The following PRKD1 variants were observed in gnomAD, a reference collection of about 807,000 sequenced individuals.
PRKD1 encodes protein kinase D1.
PRKD1 carries 63 observed loss-of-function variants against 95.9 expected under a neutral mutation model. That is an observed-to-expected ratio of 0.66 (90% confidence interval 0.54 to 0.81). The LOEUF (loss-of-function observed/expected upper bound fraction) is 0.81. PRKD1 is among the 30% of genes least tolerant of loss of function. The pLI is 0.00. For missense variants in PRKD1, 1,048 were observed against 1,165.3 expected (o/e 0.90, Z 1.47); for synonymous variants, 425 against 423.1 (o/e 1.00, Z -0.05).
intron 2 of PRKD1, among the ~76,000 whole-genome samples, chr14:29,676,048 C>T (rs1883171517): frequency 6.6e-6 from 1 of 151,684 alleles, no homozygotes; most frequent in Non-Finnish European, 1.5e-5. Flanking sequence ...TTAATGGGTG[C>T]AGCACACCAA....
intron 1 of PRKD1, among the ~76,000 whole-genome samples, chr14:29,730,502 C>A (rs915911486): frequency 2.0e-5 from 3 of 152,122 alleles, no homozygotes; most frequent in African/African-American, 7.2e-5. Flanking sequence ...ATCCAGCAAT[C>A]TGACTTCTGG....
At chr14:29,693,466 C>G (rs1210527916) in intron 2 of PRKD1, among the ~76,000 whole-genome samples, 2 of 151,844 alleles carry the variant, frequency 1.3e-5, no homozygotes, top group African/African-American at 4.8e-5. Flanking sequence ...AAAAAAATAG[C>G]AGTGTAAACT....
chr14:29,824,059 G>A (rs1330236214), intron 1 of PRKD1, among the ~76,000 whole-genome samples: 13 of 152,140 alleles, frequency 8.5e-5, no homozygotes, highest in East Asian at 1.9e-4. Flanking sequence ...TGCAGTGCTT[G>A]AGGCCCTTGC....
intron 1 of PRKD1, among the ~76,000 whole-genome samples, chr14:29,916,244 T>C (rs1005945141): frequency 1.3e-5 from 2 of 152,212 alleles, no homozygotes; most frequent in African/African-American, 4.8e-5. Flanking sequence ...CCTGTGATGC[T>C]CATGGAATTT....
chr14:29,734,218 T>G (rs1179261057), intron 1 of PRKD1, among the ~76,000 whole-genome samples: 1 of 151,836 alleles, frequency 6.6e-6, no homozygotes, highest in Non-Finnish European at 1.5e-5. Context: ...ATTTTTGTAT[T>G]TTTAGTAGAG....
Position 29,638,773 on chromosome 14 carries a change from G to T in PRKD1, c.828C>A (p.His276Gln), listed in dbSNP as rs746680862. The T allele has an allele frequency of 1.2e-6, 2 of 1,614,086 alleles. No individual in the cohort carries two copies. Among genetic ancestry groups the T allele is most frequent in the African/African-American group, 2.7e-5 (2 of 75,046 alleles). ...GGCACACTGTGGGCCGGGTGTAGGA[G>T]TGGATGACAAATGTGTGCGGCACTT... ...KVKVPHTFVI[H>Q]SYTRPTVCQY... The change falls in exon 5 of 18, where the codon CAC becomes CAA. Residue 276 changes from histidine (H) to glutamine (Q), a missense_variant. Around this residue, in one of 3 missense-constraint regions of PRKD1, gnomAD observed 739 missense variants for 861.9 expected, o/e 0.86. Coordinates refer to ENST00000331968, the MANE Select transcript of PRKD1 (RefSeq NM_002742.3).
intron 1 of PRKD1, among the ~76,000 whole-genome samples, chr14:29,848,789 C>T (rs558610003): frequency 1.3e-5 from 2 of 148,604 alleles, no homozygotes; most frequent in African/African-American, 4.8e-5. Context: ...AACTTCAAAA[C>T]GACTGTCTTA....
At chr14:29,884,148 G>A (rs2139400499) in intron 1 of PRKD1, among the ~76,000 whole-genome samples, 1 of 152,288 alleles carries the variant, frequency 6.6e-6, no homozygotes, top group Non-Finnish European at 1.5e-5. Flanking sequence ...CAAGGCTACA[G>A]ATGAAAATAT....
chr14:29,855,023 G>A (rs1345543447), intron 1 of PRKD1, among the ~76,000 whole-genome samples: 3 of 152,240 alleles, frequency 2.0e-5, no homozygotes, highest in Non-Finnish European at 4.4e-5. Flanking sequence ...CCAGGCAGAA[G>A]TTTGCTGCAG....
In PRKD1 at chr14:29,839,534, G is replaced by A. The variant is rs1235567927; in HGVS notation, c.264+87715C>T. ...TCTACCATTTGGGGGTCTGGAGGACGGTGGCCCTCTTCTCACAGCTCCACC... is the reference window on the plus strand; with the variant it reads ...TCTACCATTTGGGGGTCTGGAGGACAGTGGCCCTCTTCTCACAGCTCCACC... On this transcript the variant is annotated intron_variant, in intron 1 of 17. Transcript: ENST00000331968. Among the ~76,000 whole-genome samples, 7 of 152,114 alleles carry A rather than the reference G, an allele frequency of 4.6e-5. No individual in the cohort carries two copies. In the South Asian group the frequency reaches 8.3e-4, roughly 18 times the overall value.
At chr14:29,926,925 T>C (rs1895320500) in intron 1 of PRKD1, among the ~76,000 whole-genome samples, 1 of 151,754 alleles carries the variant, frequency 6.6e-6, no homozygotes, top group African/African-American at 2.4e-5. Flanking sequence ...CTGGGAAGTC[T>C]CAAGGACAAG....
At chr14:29,871,295 T>C (rs1231502514) in intron 1 of PRKD1, among the ~76,000 whole-genome samples, 1 of 152,244 alleles carries the variant, frequency 6.6e-6, no homozygotes, top group African/African-American at 2.4e-5. Flanking sequence ...ACCTTCCTCT[T>C]CTAAACTACA....
intron 4 of PRKD1, among the ~76,000 whole-genome samples, chr14:29,649,798 A>G (rs1881372809): frequency 6.6e-6 from 1 of 152,148 alleles, no homozygotes; most frequent in Non-Finnish European, 1.5e-5. Context: ...TATACATTCC[A>G]ATGGAGTGGG....
intron 1 of PRKD1, among the ~76,000 whole-genome samples, chr14:29,785,904 T>C (rs974464357): frequency 6.0e-5 from 9 of 151,114 alleles, no homozygotes; most frequent in Non-Finnish European, 1.5e-5. Context: ...AAAGTGGGCA[T>C]CCTTATCTTG....
At chr14:29,885,124 TAAAAAA>T (rs1220944588) in intron 1 of PRKD1, among the ~76,000 whole-genome samples, 2 of 131,074 alleles carry the variant, frequency 1.5e-5, no homozygotes, top group African/African-American at 5.7e-5. Flanking sequence ...CTCCATCTTT[TAAAAAA>T]AAAAAAAAAA....
At chr14:29,872,605 G>C (rs539848951) in intron 1 of PRKD1, among the ~76,000 whole-genome samples, 44 of 149,800 alleles carry the variant, frequency 2.9e-4, no homozygotes, top group Non-Finnish European at 5.2e-4. Context: ...GCAGTGAGCC[G>C]AGATCAAGCC....
intron 4 of PRKD1, 137 bp from the exon 5 acceptor site, chr14:29,639,041 G>GTAAATTATA: frequency 1.6e-6 from 1 of 630,140 alleles, no homozygotes; most frequent in Non-Finnish European, 2.6e-6. Context: ...CTGTATTTCT[G>GTAAATTATA]TTAATTAATA....
Position 29,846,401 on chromosome 14 carries a change from G to A in PRKD1, c.264+80848C>T, listed in dbSNP as rs371066766. On this transcript the variant is annotated intron_variant, in intron 1 of 17. Transcript: ENST00000331968. ...ACGTTTAGCTGTAGCTCTGACTGAG[G>A]GAGAGAGGTTACCCTATGAATATCC... Among the ~76,000 whole-genome samples, 7 of 152,298 alleles carry A rather than the reference G, an allele frequency of 4.6e-5. No individual in the cohort carries two copies. In the East Asian group the frequency reaches 9.7e-4, roughly 21 times the overall value.
At chr14:29,655,724 A>C (rs917156304) in intron 4 of PRKD1, among the ~76,000 whole-genome samples, 13 of 152,112 alleles carry the variant, frequency 8.5e-5, no homozygotes, top group African/African-American at 3.1e-4. Flanking sequence ...ACCTTTTTTA[A>C]AGGAAATTTG....
Sources: gnomAD v4.1 joint callset for allele counts (sites outside exome capture counted in the v4.1 genomes callset) on GRCh38, gnomAD v4.1.1 for gene constraint, gnomAD v4.1.1 regional missense constraint, MANE v1.5 for transcripts, NCBI Gene and HGNC (gene_info 2026-07-23, HGNC 2026-07-21) for gene names.